Variants in MSL2 observed in about 807,000 individuals in gnomAD.
The protein encoded by MSL2 is E3 ubiquitin-protein ligase MSL2.
Under a neutral mutation model 35.8 loss-of-function variants are expected in MSL2, and 2 were observed. The observed-to-expected ratio is 0.06, with a 90% CI of 0.02 to 0.18. The LOEUF (loss-of-function observed/expected upper bound fraction) is 0.18. Among genes scored for constraint, MSL2 ranks in the 10% least tolerant of loss-of-function variants. The pLI is 1.00. For synonymous variants in MSL2, 296 were observed against 255.7 expected (o/e 1.16, Z -1.50); for missense variants, 523 against 706.7 (o/e 0.74, Z 2.95).
chr3:136,184,891 C>T (rs888446495), intron 1 of MSL2, among the ~76,000 whole-genome samples: 1 of 152,096 alleles, frequency 6.6e-6, no homozygotes, highest in Non-Finnish European at 1.5e-5. Context: ...TCAATGCTTC[C>T]ACTGTTGCAA....
Position 136,152,622 on chromosome 3 carries a change from A to G in MSL2, c.259T>C (p.Tyr87His). The stretch of plus-strand genomic sequence containing the variant: ...TGCTTGTTTTCCTCAAACTGCTCAT[A>G]GTCTTTGCACCAGCTACAGGAAGGT... ...MKPSCSWCKD[Y>H]EQFEENKQLS... The change falls in exon 2 of 2, where the codon TAT becomes CAT. Residue 87 changes from tyrosine to histidine, a missense_variant. Physicochemically the swap from Tyr to His is moderately conservative, Grantham distance 83 (BLOSUM62 2). Coordinates refer to ENST00000309993, the MANE Select transcript of MSL2 (RefSeq NM_018133.4). 1 of 1,614,182 alleles carries G rather than the reference A, an allele frequency of 6.2e-7. No homozygotes were observed. The highest frequency in any genetic ancestry group is 8.5e-7 in the Non-Finnish European group (1 of 1,180,038).
Position 136,152,521 on chromosome 3 carries a change from T to C in MSL2, c.360A>G (p.Ile120Met), listed in dbSNP as rs759984885. ...TATCAGAAGAACAGTCAACTGCTTC[T>C]ATTATATCCCGTGCCAGTGTAGTCT... ...ITQTTLARDI[I>M]EAVDCSSDIL... is the part of the protein sequence containing the mutation. The change falls in exon 2 of 2, where the codon ATA becomes ATG. Residue 120 changes from isoleucine (I) to methionine (M), a missense_variant. This residue lies in a region of MSL2 where 361 missense variants were observed against 414.6 expected (regional missense o/e 0.87). Coordinates refer to ENST00000309993, the MANE Select transcript of MSL2 (RefSeq NM_018133.4). 5.0e-6 allele frequency: 8 copies of C among 1,614,234 alleles called. No homozygotes were observed. The South Asian group carries it at 7.7e-5, about 16-fold the overall frequency.
chr3:136,180,534 T>A lies in MSL2; in HGVS notation c.142+14438A>T, dbSNP rs184094875. On this transcript the variant is annotated intron_variant, in intron 1 of 1. Coordinates refer to ENST00000309993, the MANE Select transcript of MSL2 (RefSeq NM_018133.4). ...GGCCAAAATGGTGAAATCCCATCTC[T>A]ACTAAAAATACAAAAATTAGCCGGG... Among the ~76,000 whole-genome samples, 1,162 of 151,154 alleles carry A rather than the reference T, an allele frequency of 7.7e-3. 21 individuals are homozygous for A. The highest frequency in any genetic ancestry group is 0.026 in the African/African-American group (1,052 of 41,146).
chr3:136,154,609 T>C (rs575044525), intron 1 of MSL2, among the ~76,000 whole-genome samples: 91 of 151,094 alleles, frequency 6.0e-4, no homozygotes, highest in Non-Finnish European at 1.2e-3. Context: ...TATCTGGAAA[T>C]TAAACATATA....
intron 1 of MSL2, among the ~76,000 whole-genome samples, chr3:136,194,002 T>G (rs1940763370): frequency 6.6e-6 from 1 of 152,192 alleles, no homozygotes; most frequent in Non-Finnish European, 1.5e-5. Flanking sequence ...TCTTCTTCCT[T>G]TATCTACTTT....
intron 1 of MSL2, among the ~76,000 whole-genome samples, chr3:136,156,629 C>A (rs1939532352): frequency 6.6e-6 from 1 of 152,144 alleles, no homozygotes; most frequent in Non-Finnish European, 1.5e-5. Context: ...CCTTGGGAGG[C>A]CAAGGCAGGC....
intron 1 of MSL2, among the ~76,000 whole-genome samples, chr3:136,166,259 A>G (rs1458499024): frequency 1.9e-4 from 29 of 151,704 alleles, no homozygotes; most frequent in African/African-American, 6.8e-4. Context: ...GTGGTGACAG[A>G]CGCCTATAAT....
chr3:136,189,631 G>T (rs763741092), intron 1 of MSL2, among the ~76,000 whole-genome samples: 5 of 151,030 alleles, frequency 3.3e-5, no homozygotes, highest in African/African-American at 4.9e-5. Context: ...GGCTGAGGCA[G>T]GAGAATGGCG....
At chr3:136,194,900 C>T (rs1393545681) in intron 1 of MSL2, 72 bp downstream of exon 1, 8 of 1,599,302 alleles carry the variant, frequency 5.0e-6, no homozygotes, top group East Asian at 4.5e-5. Flanking sequence ...GCCGTCAACC[C>T]GCTCACGTTA....
At chr3:136,172,031 A>G (rs1940039033) in intron 1 of MSL2, among the ~76,000 whole-genome samples, 1 of 152,132 alleles carries the variant, frequency 6.6e-6, no homozygotes, top group Non-Finnish European at 1.5e-5. Flanking sequence ...AGGTGGGACC[A>G]CAACTCCTGG....
chr3:136,195,626 G>C lies in MSL2; in HGVS notation c.-513C>G. On this transcript the variant is annotated 5_prime_UTR_variant, in exon 1 of 2. Coordinates refer to ENST00000309993, the MANE Select transcript of MSL2 (RefSeq NM_018133.4). The stretch of plus-strand genomic sequence containing the variant: ...CGGAGGCGGCGGCGACGGCAAGGAC[G>C]ACGGTCGGGCAGCGGCTTCCCGGAT... 1.0e-6 allele frequency: 1 copy of C among 980,816 alleles called. No individual in the cohort carries two copies. The allele number at this position is 980,816 out of a possible 1,614,324, so 60.8% of individuals were successfully genotyped here.
rs1230366616 is a variant in MSL2, at chr3:136,150,167, C to A, written c.*980G>T. 1 of 152,474 alleles carries A rather than the reference C, an allele frequency of 6.6e-6. No homozygotes were observed. Among genetic ancestry groups the A allele is most frequent in the Admixed American group, 6.5e-5 (1 of 15,270 alleles). 9.4% of individuals were successfully genotyped at this position (152,474 alleles called of 1,614,324 possible). A position where few individuals can be genotyped will look rare whatever the true frequency, so the allele number is the denominator to read the frequency against. Reference sequence around the variant, plus strand: ...TCTTATTAGGCCTCTATAAAGAAGCCTTCATAATGAACAGCACCCTAAAAA... The same window carrying A: ...TCTTATTAGGCCTCTATAAAGAAGCATTCATAATGAACAGCACCCTAAAAA... On this transcript the variant is annotated 3_prime_UTR_variant, in exon 2 of 2. Transcript: ENST00000309993.
intron 1 of MSL2, among the ~76,000 whole-genome samples, chr3:136,170,056 A>T (rs1007494959): frequency 2.7e-5 from 4 of 148,814 alleles, no homozygotes; most frequent in African/African-American, 1.0e-4. Context: ...TAAAAAAAAA[A>T]AAATCAGCGG....
rs1162603380 is a variant in MSL2 at position 136,149,204 on chromosome 3, GT to G, written c.*1942del. 1 of 151,564 alleles carries G rather than the reference GT, an allele frequency of 6.6e-6. No individual in the cohort carries two copies. The highest frequency in any genetic ancestry group is 1.5e-5 in the Non-Finnish European group (1 of 67,926). The allele number at this position is 151,564 out of a possible 1,614,324, so 9.4% of individuals were successfully genotyped here. ...ATTTTAAGATCATAATATTAGGAAAGTTTGGTCGATTTGCAAAATATATCCT... is the reference window on the plus strand; with the variant it reads ...ATTTTAAGATCATAATATTAGGAAAGTTGGTCGATTTGCAAAATATATCCT... On this transcript the variant is annotated 3_prime_UTR_variant, in exon 2 of 2. Transcript: ENST00000309993.
rs1228556698 is a variant in MSL2 at position 136,169,274 on chromosome 3, C to T, written c.143-16536G>A. 1.4e-4 allele frequency among the ~76,000 whole-genome samples: 15 copies of T among 108,900 alleles called. No individual in the cohort carries two copies. In the East Asian group the frequency reaches 2.6e-3, roughly 19 times the overall value. 71.4% of individuals were successfully genotyped at this position (108,900 alleles called of 152,430 possible). On this transcript the variant is annotated intron_variant, in intron 1 of 1. Transcript: ENST00000309993. ...GGGGTGCTTATTTTTTAAATGGTTACGGGTACATAATTTTTGTGCATATGT... is the reference window on the plus strand; with the variant it reads ...GGGGTGCTTATTTTTTAAATGGTTATGGGTACATAATTTTTGTGCATATGT...
intron 1 of MSL2, among the ~76,000 whole-genome samples, chr3:136,194,039 C>G (rs1437003648): frequency 6.6e-6 from 1 of 152,158 alleles, no homozygotes; most frequent in Non-Finnish European, 1.5e-5. Flanking sequence ...CTTAACGTGC[C>G]TGAATTTCCC....
intron 1 of MSL2, among the ~76,000 whole-genome samples, chr3:136,161,443 G>A (rs1400656325): frequency 1.3e-5 from 2 of 152,134 alleles, no homozygotes; most frequent in African/African-American, 4.8e-5. Flanking sequence ...GATTCCTAAT[G>A]GCCAAAAATT....
intron 1 of MSL2, among the ~76,000 whole-genome samples, chr3:136,184,354 A>G (rs911218016): frequency 1.3e-5 from 2 of 152,022 alleles, no homozygotes; most frequent in African/African-American, 4.8e-5. Context: ...TAATCCCAGC[A>G]CTTTGGGAGG....
intron 1 of MSL2, among the ~76,000 whole-genome samples, chr3:136,177,680 T>TAA (rs397738424): frequency 0.027 from 2,114 of 77,554 alleles, 60 homozygotes; most frequent in East Asian, 0.048. Flanking sequence ...CTCCGTCTCA[T>TAA]AAAAAAAAAA....
Sources: gnomAD v4.1 joint callset for allele counts (sites outside exome capture counted in the v4.1 genomes callset) on GRCh38, gnomAD v4.1.1 for gene constraint, gnomAD v4.1.1 regional missense constraint, MANE v1.5 for transcripts, NCBI Gene and HGNC (gene_info 2026-07-23, HGNC 2026-07-21) for gene names.